The following RBMXL1 variants were observed in gnomAD, a reference collection of about 807,000 sequenced individuals.
RBMXL1 encodes the protein RBMX like 1.
A neutral mutation model predicts 29.0 loss-of-function variants in RBMXL1; 18 were observed. The ratio of observed to expected loss-of-function variants is 0.62; its 90% CI spans 0.43 to 0.92. RBMXL1 has a LOEUF of 0.92. RBMXL1 is among the 40% of genes least tolerant of loss of function. The pLI is 0.00. For missense variants in RBMXL1, 403 were observed against 495.8 expected (o/e 0.81, Z 1.78); for synonymous variants, 141 against 170.4 (o/e 0.83, Z 1.34).
rs1434806675 is a variant in RBMXL1, at chr1:88,981,256, C to A, written c.*1398G>T. 1 of 152,058 alleles carries A rather than the reference C, an allele frequency of 6.6e-6. No homozygotes were observed. Among genetic ancestry groups the A allele is most frequent in the Non-Finnish European group, 1.5e-5 (1 of 67,994 alleles). 9.4% of individuals were successfully genotyped at this position (152,058 alleles called of 1,614,324 possible). A position where few individuals can be genotyped will look rare whatever the true frequency, so the allele number is the denominator to read the frequency against. On this transcript the variant is annotated 3_prime_UTR_variant, in exon 3 of 3. Transcript: ENST00000652648. ...TAAACTGTTTGTGGATAAGCCACCA[C>A]AAAAAAATGTTTCACTTACTGACAA...
At position 88,982,537 on chromosome 1, in the gene RBMXL1, T is replaced by C. The variant is rs1300182581; in HGVS notation, c.*117A>G. The C allele has an allele frequency of 7.1e-7, 1 of 1,401,808 alleles. No homozygotes were observed. Among genetic ancestry groups the C allele is most frequent in the Non-Finnish European group, 9.6e-7 (1 of 1,044,886 alleles). 86.8% of individuals were successfully genotyped at this position (1,401,808 alleles called of 1,614,324 possible). Reference sequence around the variant, plus strand: ...TACGGAAGGGACTTAACAGGGAATTTAAAAAAGGTAACACAATTTTTCCTT... The same window carrying C: ...TACGGAAGGGACTTAACAGGGAATTCAAAAAAGGTAACACAATTTTTCCTT... On this transcript the variant is annotated 3_prime_UTR_variant, in exon 3 of 3. Coordinates refer to ENST00000652648, the MANE Select transcript of RBMXL1 (RefSeq NM_001162536.3).
chr1:88,989,683 T>C (rs1042243597), intron 1 of RBMXL1, among the ~76,000 whole-genome samples: 5 of 152,168 alleles, frequency 3.3e-5, no homozygotes, highest in Non-Finnish European at 5.9e-5. Context: ...CTGGGAGATT[T>C]CACCCCAGAC....
chr1:88,992,382 T>TC (rs1464370295), intron 1 of RBMXL1, among the ~76,000 whole-genome samples: 1 of 151,984 alleles, frequency 6.6e-6, no homozygotes, highest in East Asian at 1.9e-4. Flanking sequence ...TCTAGGGGAT[T>TC]CCCCCCTGGA....
rs372818610 is a variant in RBMXL1 at position 88,985,997 on chromosome 1, A to G, written c.-240-1931T>C. Among the ~76,000 whole-genome samples the G allele has an allele frequency of 1.6e-4, 24 of 152,146 alleles. 1 individual carries two copies. Among genetic ancestry groups the G allele is most frequent in the African/African-American group, 5.5e-4 (23 of 41,516 alleles). On this transcript the variant is annotated intron_variant, in intron 2 of 2. Transcript: ENST00000652648. ...GTAGTTTGAGACCAGCCTGGCCAAC[A>G]TGGCAAAACCCCGTCTCTACAAAAA...
In RBMXL1 at chr1:88,982,937, G is replaced by T; in HGVS notation, c.890C>A (p.Thr297Lys). Residue 297 changes from threonine (T) to lysine (K), a missense_variant, in exon 3 of 3, where the codon ACA (threonine) becomes AAA (lysine). By Grantham distance (78) the Thr-to-Lys change is moderately conservative (BLOSUM62 -1). Coordinates refer to ENST00000652648, the MANE Select transcript of RBMXL1 (RefSeq NM_001162536.3). ...ACCATAAGATGGCGGGGGCCCTCGT[G>T]TAAGTGGAGCACTACGTGAGTTACC... Reference protein sequence around the residue: ...SYGNSRSAPLTRGPPPSYGGS... With the variant: ...SYGNSRSAPLKRGPPPSYGGS... 6.2e-7 allele frequency: 1 copy of T among 1,613,982 alleles called. No individual in the cohort carries two copies. Among genetic ancestry groups the T allele is most frequent in the Non-Finnish European group, 8.5e-7 (1 of 1,179,900 alleles).
At position 88,983,864 on chromosome 1, in the gene RBMXL1, G is replaced by T; in HGVS notation, c.-38C>A. 1 of 1,610,758 alleles carries T rather than the reference G, an allele frequency of 6.2e-7. No individual in the cohort carries two copies. Among genetic ancestry groups the T allele is most frequent in the Non-Finnish European group, 8.5e-7 (1 of 1,177,476 alleles). Reference sequence around the variant, plus strand: ...CGGTGAGTCGGAGGGGTGACAGTGGGTTCAAGCTCCAACAAGCTCGCCGAC... The same window carrying T: ...CGGTGAGTCGGAGGGGTGACAGTGGTTTCAAGCTCCAACAAGCTCGCCGAC... On this transcript the variant is annotated 5_prime_UTR_variant, in exon 3 of 3. Transcript: ENST00000652648.
rs1677071378 is a variant in RBMXL1, at chr1:88,981,242, T to G, written c.*1412A>C. The G allele has an allele frequency of 6.6e-6, 1 of 152,230 alleles. No homozygotes were observed. The highest frequency in any genetic ancestry group is 2.4e-5 in the African/African-American group (1 of 41,440). The allele number at this position is 152,230 out of a possible 1,614,324, so 9.4% of individuals were successfully genotyped here. A position where few individuals can be genotyped will look rare whatever the true frequency, so the allele number is the denominator to read the frequency against. ...TTTTATTCTACAACTAAACTGTTTG[T>G]GGATAAGCCACCACAAAAAAATGTT... On this transcript the variant is annotated 3_prime_UTR_variant, in exon 3 of 3. Transcript: ENST00000652648.
intron 2 of RBMXL1, 111 bp downstream of exon 2, chr1:88,988,141 A>G (rs1677577600): frequency 4.5e-6 from 3 of 672,844 alleles, no homozygotes; most frequent in Middle Eastern, 3.8e-4. Flanking sequence ...CATATGTAAT[A>G]GAAATGTTCA....
At chr1:88,985,638 T>C (rs763984983) in intron 2 of RBMXL1, among the ~76,000 whole-genome samples, 18 of 152,198 alleles carry the variant, frequency 1.2e-4, no homozygotes, top group Non-Finnish European at 2.4e-4. Flanking sequence ...GAAATTCAGT[T>C]TCCTTATTTG....
At chr1:88,985,603 A>C (rs1677405758) in intron 2 of RBMXL1, among the ~76,000 whole-genome samples, 1 of 152,248 alleles carries the variant, frequency 6.6e-6, no homozygotes, top group Non-Finnish European at 1.5e-5. Context: ...TAGTGTGTGA[A>C]GTAGGCAGGT....
chr1:88,984,414 T>C lies in RBMXL1; in HGVS notation c.-240-348A>G, dbSNP rs576954540. Among the ~76,000 whole-genome samples, 5 of 152,252 alleles carry C rather than the reference T, an allele frequency of 3.3e-5. No homozygotes were observed. In the South Asian group the frequency reaches 1.0e-3, roughly 32 times the overall value. The stretch of plus-strand genomic sequence containing the variant: ...ATTTTAGTAGAGCAGGGTTTCACCA[T>C]GTTGGCCATGCTGGTATGGAACTCC... On this transcript the variant is annotated intron_variant, in intron 2 of 2. Coordinates refer to ENST00000652648, the MANE Select transcript of RBMXL1 (RefSeq NM_001162536.3).
rs74100106 is a variant in RBMXL1 at position 88,983,800 on chromosome 1, C to A, written c.27G>T (p.Lys9Asn). MVEADRPGKLFIGGLNTET... is the reference protein window; with the variant it reads MVEADRPGNLFIGGLNTET... ...CCGTATTAAGCCCACCAATGAAGAG[C>A]TTTCCTGGGCGATCTGCTTCAACCA... The change falls in exon 3 of 3, where the codon AAG becomes AAT. Residue 9 changes from lysine (K) to asparagine (N), a missense_variant. Transcript: ENST00000652648. 1 of 1,432,626 alleles carries A rather than the reference C, an allele frequency of 7.0e-7. No individual in the cohort carries two copies. Among genetic ancestry groups the A allele is most frequent in the East Asian group, 2.4e-5 (1 of 41,032 alleles). 88.7% of individuals were successfully genotyped at this position (1,432,626 alleles called of 1,614,324 possible).
Position 88,983,322 on chromosome 1 carries a change from C to G in RBMXL1, c.505G>C (p.Gly169Arg). Residue 169 changes from glycine to arginine, a missense_variant, in exon 3 of 3, where the codon GGA becomes CGA. Physicochemically the swap from Gly to Arg is moderately radical, Grantham distance 125. Transcript: ENST00000652648. Reference sequence around the variant, plus strand: ...ATTCCACTGCTGCTGCGAACTAGTCCTGAAGGTGCAGATCTCTTAGGAGAA... The same window carrying G: ...ATTCCACTGCTGCTGCGAACTAGTCGTGAAGGTGCAGATCTCTTAGGAGAA... ...GPSPKRSAPS[G>R]LVRSSSGMGG... is the part of the protein sequence containing the mutation. 6.2e-7 allele frequency: 1 copy of G among 1,614,124 alleles called. No individual in the cohort carries two copies. The highest frequency in any genetic ancestry group is 8.5e-7 in the Non-Finnish European group (1 of 1,180,026).
intron 1 of RBMXL1, among the ~76,000 whole-genome samples, chr1:88,991,640 C>T (rs1259160186): frequency 6.6e-6 from 1 of 152,238 alleles, no homozygotes; most frequent in Non-Finnish European, 1.5e-5. Context: ...CAAAGTTGGG[C>T]AGCATATGCT....
intron 1 of RBMXL1, among the ~76,000 whole-genome samples, chr1:88,991,197 G>A (rs143325484): frequency 1.3e-4 from 20 of 152,322 alleles, no homozygotes; most frequent in African/African-American, 4.6e-4. Context: ...GAGAAAGCTG[G>A]TGAATTTTGG....
chr1:88,982,501 A>C lies in RBMXL1; in HGVS notation c.*153T>G. The C allele has an allele frequency of 8.0e-7, 1 of 1,251,464 alleles. No homozygotes were observed. Among genetic ancestry groups the C allele is most frequent in the Non-Finnish European group, 1.1e-6 (1 of 921,698 alleles). 77.5% of individuals were successfully genotyped at this position (1,251,464 alleles called of 1,614,324 possible). ...CATGTTTTACTTTTTTCCTCACAAG[A>C]ACATAAAAATTACGGAAGGGACTTA... On this transcript the variant is annotated 3_prime_UTR_variant, in exon 3 of 3. Transcript: ENST00000652648.
chr1:88,985,341 C>A (rs1010098067), intron 2 of RBMXL1, among the ~76,000 whole-genome samples: 1 of 152,188 alleles, frequency 6.6e-6, no homozygotes, highest in Non-Finnish European at 1.5e-5. Flanking sequence ...CAGAGTTGGA[C>A]AGTCAGGCTG....
Position 88,983,077 on chromosome 1 carries a change from A to C in RBMXL1, c.750T>G (p.Ser250Arg). 1 of 1,612,484 alleles carries C rather than the reference A, an allele frequency of 6.2e-7. No individual in the cohort carries two copies. Among genetic ancestry groups the C allele is most frequent in the Non-Finnish European group, 8.5e-7 (1 of 1,180,014 alleles). Residue 250 changes from serine (S) to arginine (R), a missense_variant, in exon 3 of 3, where the codon AGT becomes AGG. Transcript: ENST00000652648. The stretch of plus-strand genomic sequence containing the variant: ...CTCTTGATGGATAGTCATCACGTGA[A>C]CTGGAATGACCATAATCACGGTAAG... ...DYTYRDYGHSSSRDDYPSRGY... is the reference protein window; with the variant it reads ...DYTYRDYGHSRSRDDYPSRGY...
chr1:88,981,997 G>C lies in RBMXL1; in HGVS notation c.*657C>G. ...GGCCAAACTTTTTATTTAGTATTCC[G>C]TAGTTGTTTAGCACACACTTAAATG... On this transcript the variant is annotated 3_prime_UTR_variant, in exon 3 of 3. Transcript: ENST00000652648. 4 of 981,606 alleles carry C rather than the reference G, an allele frequency of 4.1e-6. No homozygotes were observed. The highest frequency in any genetic ancestry group is 4.8e-6 in the Non-Finnish European group (4 of 826,112). 60.8% of individuals were successfully genotyped at this position (981,606 alleles called of 1,614,324 possible).
Sources: gnomAD v4.1 joint callset for allele counts (sites outside exome capture counted in the v4.1 genomes callset) on GRCh38, gnomAD v4.1.1 for gene constraint, MANE v1.5 for transcripts, NCBI Gene and HGNC (gene_info 2026-07-23, HGNC 2026-07-21) for gene names.